The following GADL1 variants were observed in gnomAD, a reference collection of about 807,000 sequenced individuals.
GADL1 encodes the protein acidic amino acid decarboxylase GADL1.
GADL1 carries 71 observed loss-of-function variants against 69.5 expected under a neutral mutation model. The observed-to-expected ratio is 1.02, with a 90% confidence interval of 0.84 to 1.25. The LOEUF is 1.25. Ranked by LOEUF, GADL1 falls within the 50% of genes most tolerant of loss-of-function variation. The probability of loss-of-function intolerance (pLI) is 0.00; values close to 1 mark genes in which losing one functional copy is unlikely to be tolerated. For synonymous variants in GADL1, 254 were observed against 214.4 expected, an observed-to-expected ratio of 1.18 and a Z score of -1.62; for missense variants, 737 against 631.8, an observed-to-expected ratio of 1.17 and a Z score of -1.79.
chr3:30,783,189 ACTC>A (rs769923801), intron 13 of GADL1, among the ~76,000 whole-genome samples: 1 of 152,062 alleles, frequency 6.6e-6, no homozygotes, highest in East Asian at 1.9e-4. Flanking sequence ...AACATTAATA[ACTC>A]CTCCTAGTGT....
At chr3:30,860,753 G>C (rs756641656) in intron 2 of GADL1, among the ~76,000 whole-genome samples, 2 of 151,962 alleles carry the variant, frequency 1.3e-5, no homozygotes, top group Non-Finnish European at 2.9e-5. Flanking sequence ...ATGTGATAAA[G>C]GTTGATTCGG....
At chr3:30,860,957 C>T (rs891536020) in intron 2 of GADL1, among the ~76,000 whole-genome samples, 1 of 151,916 alleles carries the variant, frequency 6.6e-6, no homozygotes, top group Non-Finnish European at 1.5e-5. Flanking sequence ...GGATTAAATG[C>T]ATAAGGAGTA....
chr3:30,854,868 C>A lies in GADL1; in HGVS notation c.338-79G>T, dbSNP rs561242466. The A allele has an allele frequency of 1.6e-4, 117 of 731,816 alleles. 2 individuals carry two copies. The highest frequency in any genetic ancestry group is 1.2e-3 in the South Asian group (66 of 55,340). 45.3% of individuals were successfully genotyped at this position (731,816 alleles called of 1,614,324 possible). On this transcript the variant is annotated intron_variant, in intron 3 of 14. Coordinates refer to ENST00000282538, the MANE Select transcript of GADL1 (RefSeq NM_207359.3). ...TGATACAGCATTAACATAAATGAAT[C>A]TTTCAGAAAATGAAAGCAGACACAC...
chr3:30,861,810 C>T (rs1200737654), intron 1 of GADL1, 45 bp from the exon 2 acceptor site: 2 of 1,334,934 alleles, frequency 1.5e-6, no homozygotes, highest in African/African-American at 1.5e-5. Flanking sequence ...AATCTAATTA[C>T]ACCACATAAC....
At chr3:30,871,105 T>G (rs1372836152) in intron 1 of GADL1, among the ~76,000 whole-genome samples, 6 of 149,618 alleles carry the variant, frequency 4.0e-5, no homozygotes, top group South Asian at 2.1e-4. Context: ...TACTTCTGTT[T>G]GTCCAAGGGG....
At chr3:30,808,253 T>C (rs1217148939) in intron 11 of GADL1, among the ~76,000 whole-genome samples, 1 of 151,978 alleles carries the variant, frequency 6.6e-6, no homozygotes, top group African/African-American at 2.4e-5. Flanking sequence ...CCCAGCACTT[T>C]GGGAGGCCGA....
chr3:30,763,961 ACTTTTTT>A (rs1421568936), intron 14 of GADL1, among the ~76,000 whole-genome samples: 1 of 152,148 alleles, frequency 6.6e-6, no homozygotes, highest in Non-Finnish European at 1.5e-5. Flanking sequence ...CTTCCCATTG[ACTTTTTT>A]CTTAACAAAG....
chr3:30,793,427 C>T (rs1696963451), intron 12 of GADL1, among the ~76,000 whole-genome samples: 1 of 151,872 alleles, frequency 6.6e-6, no homozygotes. Flanking sequence ...AAAAAAAGTA[C>T]GTTCAGTTTG....
intron 12 of GADL1, among the ~76,000 whole-genome samples, chr3:30,796,065 A>G (rs534585694): frequency 2.6e-4 from 39 of 152,356 alleles, no homozygotes; most frequent in African/African-American, 9.1e-4. Flanking sequence ...ATTAGAAAGT[A>G]TTCTTAGACT....
intron 14 of GADL1, among the ~76,000 whole-genome samples, chr3:30,754,515 T>C (rs1490481535): frequency 3.3e-5 from 5 of 152,104 alleles, no homozygotes; most frequent in African/African-American, 7.2e-5. Flanking sequence ...ATCAAGAATA[T>C]GGAGTCCAAA....
chr3:30,741,190 ATGTGTG>A (rs60283911), intron 14 of GADL1, among the ~76,000 whole-genome samples: 4 of 132,638 alleles, frequency 3.0e-5, no homozygotes, highest in Non-Finnish European at 4.8e-5. Context: ...TTATATAATT[ATGTGTG>A]TGTGTGTGTG....
intron 1 of GADL1, among the ~76,000 whole-genome samples, chr3:30,867,448 A>ATG (rs1698420300): frequency 6.9e-6 from 1 of 145,824 alleles, no homozygotes; most frequent in South Asian, 2.1e-4. Context: ...ATACACATAT[A>ATG]TGTATATATA....
At chr3:30,858,522 C>T (rs6769920) in intron 2 of GADL1, among the ~76,000 whole-genome samples, 80,429 of 151,772 alleles carry the variant, frequency 0.53, 25,503 homozygotes, top group African/African-American at 0.88. Context: ...TCACTAGAAC[C>T]TGGAAATCAG....
At chr3:30,759,152 G>A (rs1268841297) in intron 14 of GADL1, among the ~76,000 whole-genome samples, 1 of 152,132 alleles carries the variant, frequency 6.6e-6, no homozygotes, top group Non-Finnish European at 1.5e-5. Context: ...CAATTCGACA[G>A]GCCTCTGCAG....
At chr3:30,855,941 A>C (rs1252156345) in intron 3 of GADL1, among the ~76,000 whole-genome samples, 20 of 151,742 alleles carry the variant, frequency 1.3e-4, no homozygotes, top group Non-Finnish European at 1.6e-4. Flanking sequence ...AAAAAAAAAA[A>C]AACGGCATTG....
At chr3:30,888,631 C>A (rs554285873) in intron 1 of GADL1, among the ~76,000 whole-genome samples, 1 of 152,212 alleles carries the variant, frequency 6.6e-6, no homozygotes, top group East Asian at 1.9e-4. Context: ...GAGATTAGGA[C>A]TTCTCATTAG....
intron 2 of GADL1, 144 bp from the exon 3 acceptor site, chr3:30,857,285 T>C: frequency 1.5e-6 from 1 of 681,500 alleles, no homozygotes; most frequent in South Asian, 2.0e-5. Flanking sequence ...AAAAGAACTA[T>C]TACAGTAATG....
At chr3:30,867,611 TG>T (rs1346085923) in intron 1 of GADL1, among the ~76,000 whole-genome samples, 7 of 151,892 alleles carry the variant, frequency 4.6e-5, no homozygotes, top group African/African-American at 1.4e-4. Context: ...TGAATTGCCT[TG>T]CCCAAGGTCA....
At chr3:30,800,049 A>G (rs1414859453) in intron 12 of GADL1, 1 of 152,380 alleles carries the variant, frequency 6.6e-6, no homozygotes, top group Non-Finnish European at 1.5e-5. Flanking sequence ...AACTATTTCA[A>G]CCTCTGCCTG....
Sources: allele counts gnomAD v4.1 joint callset (sites outside exome capture counted in the v4.1 genomes callset), GRCh38; gene constraint gnomAD v4.1.1; transcripts MANE v1.5; gene names NCBI Gene and HGNC (gene_info 2026-07-23, HGNC 2026-07-21).